The following LRP12 variants were observed in gnomAD, a reference collection of about 807,000 sequenced individuals.
LRP12 encodes LDL receptor related protein 12.
LRP12 carries 14 observed loss-of-function variants against 66.0 expected under a neutral mutation model. The ratio of observed to expected loss-of-function variants is 0.21; its 90% CI spans 0.14 to 0.33. The LOEUF is 0.33. Among genes scored for constraint, LRP12 ranks in the 10% least tolerant of loss-of-function variants. The pLI is 1.00. For missense variants in LRP12, 889 were observed against 1,053.4 expected (o/e 0.84, Z 2.16); for synonymous variants, 357 against 359.1 (o/e 0.99, Z 0.07).
intron 1 of LRP12, among the ~76,000 whole-genome samples, chr8:104,576,885 C>T (rs1417167446): frequency 6.6e-6 from 1 of 151,936 alleles, no homozygotes; most frequent in Non-Finnish European, 1.5e-5. Context: ...CAATGACACA[C>T]ATAGGTTTAA....
intron 1 of LRP12, among the ~76,000 whole-genome samples, chr8:104,536,863 GA>G (rs2140867124): frequency 6.6e-6 from 1 of 152,022 alleles, no homozygotes; most frequent in Non-Finnish European, 1.5e-5. Flanking sequence ...AAGGTAGTAG[GA>G]TATAAAATAA....
chr8:104,526,783 A>G (rs1374290244), intron 2 of LRP12, among the ~76,000 whole-genome samples: 1 of 147,408 alleles, frequency 6.8e-6, no homozygotes, highest in Non-Finnish European at 1.5e-5. Flanking sequence ...CAAGGACTTC[A>G]TGTCTAAAAC....
At chr8:104,558,331 A>G (rs1048619623) in intron 1 of LRP12, among the ~76,000 whole-genome samples, 12 of 152,210 alleles carry the variant, frequency 7.9e-5, no homozygotes, top group African/African-American at 2.4e-4. Context: ...TGACAAAGCA[A>G]ACAAAAACAT....
rs1275091371 is a variant in LRP12 at position 104,489,578 on chromosome 8, C to T, written c.*1095G>A. 1 of 151,856 alleles carries T rather than the reference C, an allele frequency of 6.6e-6. No individual in the cohort carries two copies. The highest frequency in any genetic ancestry group is 2.4e-5 in the African/African-American group (1 of 41,330). 9.4% of individuals were successfully genotyped at this position (151,856 alleles called of 1,614,324 possible). The stretch of plus-strand genomic sequence containing the variant: ...TTTCTTTTGAGAGTGTAGCATGATC[C>T]CCCCCAGGAATAAAATATATTGAAA... On this transcript the variant is annotated 3_prime_UTR_variant, in exon 7 of 7. Coordinates refer to ENST00000276654, the MANE Select transcript of LRP12 (RefSeq NM_013437.5).
chr8:104,587,435 C>T (rs909779887), intron 1 of LRP12, among the ~76,000 whole-genome samples: 1 of 152,128 alleles, frequency 6.6e-6, no homozygotes, highest in Non-Finnish European at 1.5e-5. Flanking sequence ...AAGTCGTGTA[C>T]TGGGTTTTTG....
chr8:104,588,525 C>T (rs913245568), intron 1 of LRP12, among the ~76,000 whole-genome samples: 3 of 152,166 alleles, frequency 2.0e-5, no homozygotes, highest in Non-Finnish European at 2.9e-5. Context: ...CCGCGGGGGC[C>T]CTCGAACCCA....
At chr8:104,548,171 A>AATATTAT (rs1564141821) in intron 1 of LRP12, among the ~76,000 whole-genome samples, 1 of 99,092 alleles carries the variant, frequency 1.0e-5, no homozygotes, top group Non-Finnish European at 1.7e-5. Flanking sequence ...TATTATATAT[A>AATATTAT]ATATAATATA....
chr8:104,570,900 C>A (rs752769217), intron 1 of LRP12, among the ~76,000 whole-genome samples: 4 of 152,052 alleles, frequency 2.6e-5, no homozygotes, highest in Non-Finnish European at 5.9e-5. Flanking sequence ...AAACCACCAA[C>A]CCAATTAAAA....
intron 1 of LRP12, among the ~76,000 whole-genome samples, chr8:104,532,331 CA>C (rs1811336257): frequency 6.7e-6 from 1 of 148,414 alleles, no homozygotes; most frequent in Non-Finnish European, 1.5e-5. Flanking sequence ...AAATCAGCCA[CA>C]AGTCGGTGTA....
chr8:104,505,006 T>C (rs930359864), intron 3 of LRP12: 1 of 152,162 alleles, frequency 6.6e-6, no homozygotes, highest in Non-Finnish European at 1.5e-5. Flanking sequence ...AACTAACCTT[T>C]TCTATCTCGT....
chr8:104,553,209 G>A (rs1265883282), intron 1 of LRP12, among the ~76,000 whole-genome samples: 1 of 152,174 alleles, frequency 6.6e-6, no homozygotes, highest in Admixed American at 6.5e-5. Flanking sequence ...TCAACTGAAT[G>A]TGAAGTTTAC....
intron 1 of LRP12, among the ~76,000 whole-genome samples, chr8:104,576,719 A>G (rs1812171007): frequency 6.6e-6 from 1 of 152,174 alleles, no homozygotes; most frequent in South Asian, 2.1e-4. Context: ...CAAAATAACC[A>G]GGAAACATCA....
At chr8:104,501,459 G>A (rs1284154754) in intron 3 of LRP12, among the ~76,000 whole-genome samples, 1 of 152,054 alleles carries the variant, frequency 6.6e-6, no homozygotes, top group Non-Finnish European at 1.5e-5. Context: ...TAGAACTTTG[G>A]GAGGCTGAGG....
chr8:104,519,523 C>T (rs926927664), intron 2 of LRP12, among the ~76,000 whole-genome samples: 1 of 151,920 alleles, frequency 6.6e-6, no homozygotes, highest in Non-Finnish European at 1.5e-5. Flanking sequence ...ATCTGAAATG[C>T]TTCAATGAGT....
intron 1 of LRP12, among the ~76,000 whole-genome samples, chr8:104,555,823 T>C (rs1369473584): frequency 6.6e-6 from 1 of 152,050 alleles, no homozygotes; most frequent in East Asian, 1.9e-4. Context: ...TTAACAGATA[T>C]TTACAGGATA....
intron 2 of LRP12, among the ~76,000 whole-genome samples, chr8:104,528,177 A>G (rs943404286): frequency 9.9e-5 from 15 of 152,204 alleles, no homozygotes; most frequent in African/African-American, 3.1e-4. Flanking sequence ...TCATCAATAT[A>G]CTTTCCAAAG....
intron 1 of LRP12, among the ~76,000 whole-genome samples, chr8:104,543,020 T>C (rs1404545374): frequency 1.3e-5 from 2 of 150,490 alleles, no homozygotes; most frequent in African/African-American, 2.5e-5. Flanking sequence ...TATAAATATA[T>C]ATACACACAC....
intron 1 of LRP12, among the ~76,000 whole-genome samples, chr8:104,562,498 T>C (rs1811928404): frequency 1.3e-5 from 2 of 152,112 alleles, no homozygotes; most frequent in African/African-American, 4.8e-5. Flanking sequence ...AACAAACCCA[T>C]CAGCAAAGAT....
intron 2 of LRP12, among the ~76,000 whole-genome samples, chr8:104,527,554 T>C (rs1811257656): frequency 1.3e-5 from 2 of 151,046 alleles, no homozygotes; most frequent in Admixed American, 1.3e-4. Flanking sequence ...AAATTGGAAA[T>C]CATCATTCTC....
Sources: allele counts gnomAD v4.1 joint callset (sites outside exome capture counted in the v4.1 genomes callset), GRCh38; gene constraint gnomAD v4.1.1; transcripts MANE v1.5; gene names NCBI Gene and HGNC (gene_info 2026-07-23, HGNC 2026-07-21).